The following GNA12 variants were observed in gnomAD, a reference collection of about 807,000 sequenced individuals.
GNA12 encodes guanine nucleotide-binding protein subunit alpha-12.
A neutral mutation model predicts 26.0 loss-of-function variants in GNA12; 9 were observed. The ratio of observed to expected loss-of-function variants is 0.35; its 90% CI spans 0.21 to 0.60. GNA12 has a LOEUF of 0.60. Among genes scored for constraint, GNA12 ranks in the 20% least tolerant of loss-of-function variants. GNA12 has a pLI of 0.78. For missense variants in GNA12, 405 were observed against 525.8 expected (o/e 0.77, Z 2.25); for synonymous variants, 264 against 219.6 (o/e 1.20, Z -1.79).
Position 2,731,415 on chromosome 7 carries a change from C to T in GNA12, c.912G>A (p.Lys304=), listed in dbSNP as rs781350692. Residue 304 remains lysine, a synonymous_variant, in exon 4 of 4, where the codon AAG becomes AAA. Coordinates refer to ENST00000275364, the MANE Select transcript of GNA12 (RefSeq NM_007353.3). This position sits in a 1 kb window ranked among gnomAD's most constrained non-coding sequence, Gnocchi z 6.0. ...GCTTCTTGATGCTCACGGTCTTCACCTTCTCCACCAGGAGGTCCATCTTGT... is the reference window on the plus strand; with the variant it reads ...GCTTCTTGATGCTCACGGTCTTCACTTTCTCCACCAGGAGGTCCATCTTGT... ...FLNKMDLLVE[K]VKTVSIKKHF... 5.6e-6 allele frequency: 9 copies of T among 1,613,110 alleles called. No homozygotes were observed. The highest frequency in any genetic ancestry group is 5.5e-5 in the South Asian group (5 of 91,042).
intron 2 of GNA12, among the ~76,000 whole-genome samples, chr7:2,764,244 CTT>C (rs35992308): frequency 7.0e-4 from 98 of 139,236 alleles, no homozygotes; most frequent in African/African-American, 1.1e-3. Flanking sequence ...CAGCTAATTT[CTT>C]TTTTTTTTTT....
chr7:2,814,236 G>C (rs973682575), intron 1 of GNA12: 1 of 804,746 alleles, frequency 1.2e-6, no homozygotes, highest in African/African-American at 1.7e-5. Flanking sequence ...GTATCCTGTT[G>C]GCTGTGCTTC....
At chr7:2,819,965 A>T (rs1793313427) in intron 1 of GNA12, among the ~76,000 whole-genome samples, 1 of 152,210 alleles carries the variant, frequency 6.6e-6, no homozygotes, top group Non-Finnish European at 1.5e-5. Context: ...CAAAAGATGG[A>T]AAGAACCTAG....
intron 1 of GNA12, among the ~76,000 whole-genome samples, chr7:2,828,964 T>C (rs1793542354): frequency 6.6e-6 from 1 of 151,966 alleles, no homozygotes; most frequent in African/African-American, 2.4e-5. Flanking sequence ...TCCCAGCTAC[T>C]TGGGAGGCTG....
At position 2,832,723 on chromosome 7, in the gene GNA12, G is replaced by C. The variant is rs573621515; in HGVS notation, c.309+11130C>G. Among the ~76,000 whole-genome samples the C allele has an allele frequency of 2.0e-5, 3 of 152,270 alleles. No homozygotes were observed. In the East Asian group the frequency reaches 5.8e-4, roughly 29 times the overall value. ...CTTCAGACTAGACAGTAAAATAGATGCTGACGTTCACAGAGAGGTGCCGTC... is the reference window on the plus strand; with the variant it reads ...CTTCAGACTAGACAGTAAAATAGATCCTGACGTTCACAGAGAGGTGCCGTC... On this transcript the variant is annotated intron_variant, in intron 1 of 3. Coordinates refer to ENST00000275364, the MANE Select transcript of GNA12 (RefSeq NM_007353.3).
intron 2 of GNA12, among the ~76,000 whole-genome samples, chr7:2,755,412 C>T (rs1421643711): frequency 1.3e-5 from 2 of 152,156 alleles, no homozygotes; most frequent in African/African-American, 4.8e-5. Context: ...TTGTTTAGAT[C>T]TCATTTCTTG....
intron 1 of GNA12, among the ~76,000 whole-genome samples, chr7:2,825,143 A>G (rs1215113737): frequency 1.3e-5 from 2 of 152,262 alleles, no homozygotes; most frequent in Non-Finnish European, 2.9e-5. Flanking sequence ...ACCCAACAGG[A>G]AACAAGCAGG....
intron 1 of GNA12, among the ~76,000 whole-genome samples, chr7:2,818,302 C>T (rs919328672): frequency 1.3e-5 from 2 of 152,212 alleles, no homozygotes; most frequent in Non-Finnish European, 2.9e-5. Context: ...GGACAGTCAG[C>T]AGCATCTCCA....
chr7:2,776,301 G>A (rs965862360), intron 2 of GNA12, among the ~76,000 whole-genome samples: 1 of 152,216 alleles, frequency 6.6e-6, no homozygotes, highest in African/African-American at 2.4e-5. Context: ...TGGTGGAAGA[G>A]GCCAGTGCTC....
At chr7:2,768,373 T>C (rs1791859533) in intron 2 of GNA12, among the ~76,000 whole-genome samples, 1 of 152,230 alleles carries the variant, frequency 6.6e-6, no homozygotes, top group Non-Finnish European at 1.5e-5. Context: ...TGAAGATCAG[T>C]AGCCTTCCTT....
At chr7:2,788,374 C>T (rs886673132) in intron 2 of GNA12, among the ~76,000 whole-genome samples, 7 of 152,218 alleles carry the variant, frequency 4.6e-5, no homozygotes, top group African/African-American at 1.2e-4. Flanking sequence ...TTGGACGGCA[C>T]GTCTAGGAAG....
intron 1 of GNA12, among the ~76,000 whole-genome samples, chr7:2,813,933 G>A (rs1793147483): frequency 2.0e-5 from 3 of 152,128 alleles, no homozygotes; most frequent in Admixed American, 6.5e-5. Context: ...CAAGTGGCTG[G>A]GCACCTTCCA....
chr7:2,765,331 G>A (rs1208788444), intron 2 of GNA12, among the ~76,000 whole-genome samples: 1 of 152,024 alleles, frequency 6.6e-6, no homozygotes, highest in Non-Finnish European at 1.5e-5. Context: ...TGTATTTTTA[G>A]TAGAGATGGG....
intron 1 of GNA12, among the ~76,000 whole-genome samples, chr7:2,843,358 G>A (rs1408662262): frequency 6.6e-6 from 1 of 152,010 alleles, no homozygotes; most frequent in East Asian, 1.9e-4. Flanking sequence ...AGAGGGCAGA[G>A]GCAGACCGGG....
Position 2,753,293 on chromosome 7 carries a change from A to G in GNA12, c.526-19792T>C, listed in dbSNP as rs774310242. On this transcript the variant is annotated intron_variant, in intron 2 of 3. Transcript: ENST00000275364. Reference sequence around the variant, plus strand: ...CTCAGCCTCCCAAGTAGCTGGGACTATAGGTGCATGCCACCACGATTGGCT... The same window carrying G: ...CTCAGCCTCCCAAGTAGCTGGGACTGTAGGTGCATGCCACCACGATTGGCT... 2.0e-5 allele frequency among the ~76,000 whole-genome samples: 3 copies of G among 152,276 alleles called. 1 individual carries two copies. In the South Asian group the frequency reaches 6.2e-4, roughly 32 times the overall value.
intron 2 of GNA12, among the ~76,000 whole-genome samples, chr7:2,773,609 C>T (rs1792002931): frequency 6.6e-6 from 1 of 152,116 alleles, no homozygotes. Flanking sequence ...TCTACACGGC[C>T]ACCAGAATGG....
chr7:2,762,660 G>T, intron 2 of GNA12: 1 of 1,599,196 alleles, frequency 6.3e-7, no homozygotes, highest in Non-Finnish European at 8.5e-7. Flanking sequence ...AGGACGATGA[G>T]AGGATAAATC....
In GNA12 at chr7:2,731,515, A is replaced by G; in HGVS notation, c.812T>C (p.Val271Ala). Residue 271 changes from valine to alanine, a missense_variant, in exon 4 of 4, where the codon GTG becomes GCG. Coordinates refer to ENST00000275364, the MANE Select transcript of GNA12 (RefSeq NM_007353.3). The surrounding 1 kb of genome is among the most constrained non-coding windows in gnomAD (Gnocchi z 6.0). ...LMEDRRTNRL[V>A]ESMNIFETIV... is the part of the protein sequence containing the mutation. ...GGTCTCGAAGATGTTCATGGACTCC[A>G]CCAGCCGGTTGGTGCGCCTGTCCTC... 6.2e-7 allele frequency: 1 copy of G among 1,612,146 alleles called. No homozygotes were observed. Among genetic ancestry groups the G allele is most frequent in the Non-Finnish European group, 8.5e-7 (1 of 1,179,100 alleles).
intron 1 of GNA12, among the ~76,000 whole-genome samples, chr7:2,812,017 G>A (rs2115482848): frequency 6.6e-6 from 1 of 152,334 alleles, no homozygotes; most frequent in South Asian, 2.1e-4. Flanking sequence ...GGGGCAGTGG[G>A]AAGGGGCTGT....
Sources: allele counts gnomAD v4.1 joint callset (sites outside exome capture counted in the v4.1 genomes callset), GRCh38; gene constraint gnomAD v4.1.1; non-coding constraint Gnocchi (gnomAD v3.1); transcripts MANE v1.5; gene names NCBI Gene and HGNC (gene_info 2026-07-23, HGNC 2026-07-21).